NCOA1: variants seen among roughly 807,000 people sequenced by gnomAD.
NCOA1 encodes Hin-2 protein.
Under a neutral mutation model 150.9 loss-of-function variants are expected in NCOA1, and 35 were observed. That is an observed-to-expected ratio of 0.23 (90% CI 0.18 to 0.31). NCOA1 has a LOEUF of 0.31. NCOA1 is among the 10% of genes least tolerant of loss of function. NCOA1 has a pLI of 1.00. For missense variants in NCOA1, 1,491 were observed against 1,749.3 expected, an observed-to-expected ratio of 0.85 and a Z score of 2.63; for synonymous variants, 590 against 630.0, an observed-to-expected ratio of 0.94 and a Z score of 0.95.
At chr2:24,567,419 T>C (rs543723207) in intron 2 of NCOA1, among the ~76,000 whole-genome samples, 2 of 152,356 alleles carry the variant, frequency 1.3e-5, no homozygotes, top group African/African-American at 2.4e-5. Context: ...TTGTAAAGAA[T>C]GAGTCTAGAT....
chr2:24,554,760 A>G (rs958271473), intron 1 of NCOA1, among the ~76,000 whole-genome samples: 2 of 152,136 alleles, frequency 1.3e-5, no homozygotes, highest in African/African-American at 4.8e-5. Context: ...TAAGTCACAC[A>G]TCCGAGTCTT....
At chr2:24,504,064 G>A (rs1261050139) in intron 1 of NCOA1, among the ~76,000 whole-genome samples, 1 of 152,018 alleles carries the variant, frequency 6.6e-6, no homozygotes, top group African/African-American at 2.4e-5. Flanking sequence ...TGTATCCTTC[G>A]CTTCCAGATT....
chr2:24,606,652 C>G (rs1424629499), intron 3 of NCOA1, among the ~76,000 whole-genome samples: 1 of 152,128 alleles, frequency 6.6e-6, no homozygotes, highest in Non-Finnish European at 1.5e-5. Context: ...TTTTTGCTGT[C>G]TCCATATTTT....
intron 1 of NCOA1, among the ~76,000 whole-genome samples, chr2:24,495,483 C>T (rs986459185): frequency 5.9e-5 from 9 of 152,054 alleles, no homozygotes; most frequent in South Asian, 2.1e-4. Context: ...TACCACTCCC[C>T]GAGAGTATGT....
intron 1 of NCOA1, among the ~76,000 whole-genome samples, chr2:24,546,761 C>T (rs1665620135): frequency 6.6e-6 from 1 of 152,208 alleles, no homozygotes; most frequent in African/African-American, 2.4e-5. Context: ...CGGTTGGGAT[C>T]ACTTACTCAG....
chr2:24,523,499 G>A (rs1343710764), intron 1 of NCOA1, among the ~76,000 whole-genome samples: 5 of 150,262 alleles, frequency 3.3e-5, no homozygotes, highest in African/African-American at 9.8e-5. Flanking sequence ...CCAGCTACTC[G>A]GGAGGCTGAG....
At chr2:24,649,890 A>T (rs1670638703) in intron 4 of NCOA1, among the ~76,000 whole-genome samples, 1 of 152,220 alleles carries the variant, frequency 6.6e-6, no homozygotes, top group Admixed American at 6.5e-5. Flanking sequence ...ATTAAGATAC[A>T]TTTAGAGGGC....
At chr2:24,505,116 A>G (rs1346226702) in intron 1 of NCOA1, among the ~76,000 whole-genome samples, 1 of 151,652 alleles carries the variant, frequency 6.6e-6, no homozygotes, top group Non-Finnish European at 1.5e-5. Flanking sequence ...TCCCTGTTTT[A>G]TTCCTAAAGT....
At chr2:24,682,378 T>C (rs967620500) in intron 7 of NCOA1, among the ~76,000 whole-genome samples, 1 of 152,202 alleles carries the variant, frequency 6.6e-6, no homozygotes, top group Non-Finnish European at 1.5e-5. Flanking sequence ...TTCATGTCTT[T>C]ATTATGTTTT....
chr2:24,603,185 AAT>A (rs1491041893), intron 3 of NCOA1, among the ~76,000 whole-genome samples: 2 of 107,964 alleles, frequency 1.9e-5, no homozygotes, highest in African/African-American at 2.7e-5. Flanking sequence ...TGTCTAAAAA[AAT>A]ATATATACCT....
chr2:24,693,946 T>C (rs1052739851), intron 10 of NCOA1, among the ~76,000 whole-genome samples: 3 of 152,154 alleles, frequency 2.0e-5, no homozygotes, highest in African/African-American at 7.2e-5. Context: ...GAGGAGCTGA[T>C]ACTGAGCCCC....
chr2:24,586,271 G>T (rs1667403389), intron 3 of NCOA1, among the ~76,000 whole-genome samples: 2 of 92,396 alleles, frequency 2.2e-5, no homozygotes, highest in Non-Finnish European at 4.3e-5. Context: ...GCAAGACTCG[G>T]TCTCAAAAAA....
At chr2:24,570,325 T>A (rs1666694882) in intron 2 of NCOA1, among the ~76,000 whole-genome samples, 1 of 152,156 alleles carries the variant, frequency 6.6e-6, no homozygotes, top group African/African-American at 2.4e-5. Flanking sequence ...CTAATAGGGT[T>A]GTTACAACTC....
intron 14 of NCOA1, among the ~76,000 whole-genome samples, chr2:24,720,801 C>G (rs745424080): frequency 4.6e-5 from 7 of 152,156 alleles, no homozygotes; most frequent in Non-Finnish European, 8.8e-5. Flanking sequence ...CCACTCTTAC[C>G]TCTAAATTGT....
At chr2:24,657,981 G>A (rs1257844668) in intron 4 of NCOA1, among the ~76,000 whole-genome samples, 1 of 152,222 alleles carries the variant, frequency 6.6e-6, no homozygotes, top group Non-Finnish European at 1.5e-5. Flanking sequence ...TTTAAGTGCA[G>A]TTGCTAACTG....
At chr2:24,606,758 A>G (rs1668388622) in intron 3 of NCOA1, among the ~76,000 whole-genome samples, 1 of 152,200 alleles carries the variant, frequency 6.6e-6, no homozygotes, top group Non-Finnish European at 1.5e-5. Flanking sequence ...TCAAAGAAAT[A>G]CCTAACAGCT....
intron 1 of NCOA1, among the ~76,000 whole-genome samples, chr2:24,557,526 T>C (rs183135115): frequency 6.6e-6 from 1 of 151,196 alleles, no homozygotes; most frequent in African/African-American, 2.4e-5. Context: ...CTTCTTCCTC[T>C]TCTTCTTCTT....
chr2:24,659,828 T>A (rs988724249), intron 5 of NCOA1, among the ~76,000 whole-genome samples: 2 of 152,160 alleles, frequency 1.3e-5, no homozygotes, highest in African/African-American at 4.8e-5. Flanking sequence ...GTCAGTAGCA[T>A]CTTAGTTGTG....
chr2:24,666,157 G>T (rs991344317), intron 6 of NCOA1, among the ~76,000 whole-genome samples: 27 of 151,304 alleles, frequency 1.8e-4, no homozygotes, highest in African/African-American at 6.5e-4. Context: ...GACTACAGGC[G>T]CCTGCCACTA....
Sources: gnomAD v4.1 joint callset for allele counts (sites outside exome capture counted in the v4.1 genomes callset) on GRCh38, gnomAD v4.1.1 for gene constraint, MANE v1.5 for transcripts, NCBI Gene and HGNC (gene_info 2026-07-23, HGNC 2026-07-21) for gene names.